Variants in ADAR observed in about 807,000 individuals in gnomAD.
ADAR encodes double-stranded RNA-specific adenosine deaminase.
In ADAR, 41 loss-of-function variants were observed where a neutral mutation model predicts 113.2. The ratio of observed to expected loss-of-function variants is 0.36; its 90% confidence interval spans 0.28 to 0.47. The LOEUF is 0.47. Ranked by LOEUF, ADAR falls within the 20% of genes least tolerant of loss-of-function variation. The probability of loss-of-function intolerance (pLI) is 1.00; values close to 1 mark genes in which losing one functional copy is unlikely to be tolerated. For missense variants in ADAR, 1,242 were observed against 1,540.9 expected, an observed-to-expected ratio of 0.81 and a Z score of 3.25; for synonymous variants, 605 against 572.6, an observed-to-expected ratio of 1.06 and a Z score of -0.81.
intron 13 of ADAR, 130 bp downstream of exon 13, chr1:154,585,623 G>A (rs1344017271): frequency 1.1e-6 from 1 of 938,398 alleles, no homozygotes; most frequent in Non-Finnish European, 1.7e-6. Flanking sequence ...GGCCACTGTG[G>A]GCAATGTTCC....
At chr1:154,606,063 G>T in intron 1 of ADAR, 1 of 538,406 alleles carries the variant, frequency 1.9e-6, no homozygotes, top group Non-Finnish European at 2.4e-6. Context: ...GGAGTGCAGT[G>T]GCATGATCTC....
At chr1:154,625,935 TAG>T (rs1436171111) in intron 1 of ADAR, among the ~76,000 whole-genome samples, 3 of 135,886 alleles carry the variant, frequency 2.2e-5, no homozygotes, top group South Asian at 4.6e-4. Flanking sequence ...ACCCGGGAGG[TAG>T]AGTTTGCAGT....
chr1:154,607,200 GA>G (rs1698249177), intron 1 of ADAR, among the ~76,000 whole-genome samples: 2 of 151,916 alleles, frequency 1.3e-5, no homozygotes, highest in Admixed American at 6.6e-5. Flanking sequence ...CATATAAATG[GA>G]CTCATACAGT....
At chr1:154,607,825 T>A (rs373303709) in intron 1 of ADAR, among the ~76,000 whole-genome samples, 167 bp downstream of exon 1, 22 of 132,940 alleles carry the variant, frequency 1.7e-4, no homozygotes, top group African/African-American at 6.1e-4. Context: ...ACACACACAC[T>A]CACAAGACGC....
At chr1:154,586,089 G>C in intron 12 of ADAR, 92 bp downstream of exon 12, 1 of 1,507,108 alleles carries the variant, frequency 6.6e-7, no homozygotes, top group Non-Finnish European at 9.2e-7. Context: ...ACTTTGATAA[G>C]GGAGACAAAA....
intron 1 of ADAR, 28 bp downstream of exon 1, chr1:154,607,964 G>A (rs751641505): frequency 6.2e-7 from 1 of 1,611,620 alleles, no homozygotes; most frequent in South Asian, 1.1e-5. Flanking sequence ...CCAGACGGCG[G>A]CGAAGGTCCA....
rs886045343 is a variant in ADAR at position 154,601,237 on chromosome 1, C to A, written c.1405G>T (p.Ala469Ser). The change falls in exon 2 of 15, where the codon GCA becomes TCA. Residue 469 changes from alanine (A) to serine (S), a missense_variant. Ala to Ser is a moderately conservative substitution (Grantham distance 99, BLOSUM62 1). Coordinates refer to ENST00000368474, the MANE Select transcript of ADAR (RefSeq NM_001111.5). This position sits in a 1 kb window ranked among gnomAD's most constrained non-coding sequence, Gnocchi z 4.7. ...IPDDLNSIRA[A>S]PGEFRAIMEM... ...ATGATGGCTCGAAACTCACCTGGTG[C>A]TGCGCGGATACTATTCAAGTCATCT... The A allele has an allele frequency of 1.9e-6, 3 of 1,614,238 alleles. No homozygotes were observed. The highest frequency in any genetic ancestry group is 2.5e-6 in the Non-Finnish European group (3 of 1,180,034).
In ADAR at chr1:154,608,077, A is replaced by G. The variant is rs886045346; in HGVS notation, c.-71T>C. ...CCTGGCCCGACCGCTGGGCCGCGCC[A>G]GCCCCTCGAGGCCCCCACGCCTCCG... On this transcript the variant is annotated 5_prime_UTR_variant, in exon 1 of 15. Coordinates refer to ENST00000368474, the MANE Select transcript of ADAR (RefSeq NM_001111.5). The G allele has an allele frequency of 2.7e-6, 4 of 1,493,814 alleles. No homozygotes were observed. The highest frequency in any genetic ancestry group is 3.6e-6 in the Non-Finnish European group (4 of 1,123,966). The allele number at this position is 1,493,814 out of a possible 1,614,324, so 92.5% of individuals were successfully genotyped here. A position where few individuals can be genotyped will look rare whatever the true frequency, so the allele number is the denominator to read the frequency against.
At chr1:154,602,874 A>G (rs1697979647) in intron 1 of ADAR, among the ~76,000 whole-genome samples, 1 of 152,224 alleles carries the variant, frequency 6.6e-6, no homozygotes, top group South Asian at 2.1e-4. Flanking sequence ...AGAGGTTCTG[A>G]GGCCTCAGCA....
At chr1:154,593,428 T>C (rs1457250665) in intron 6 of ADAR, among the ~76,000 whole-genome samples, 1 of 152,214 alleles carries the variant, frequency 6.6e-6, no homozygotes, top group African/African-American at 2.4e-5. Flanking sequence ...ATATGTCTGC[T>C]ACACACTCAG....
chr1:154,600,883 A>G (rs543064511), intron 2 of ADAR, 158 bp downstream of exon 2: 2 of 1,028,412 alleles, frequency 1.9e-6, no homozygotes, highest in Non-Finnish European at 3.0e-6. Flanking sequence ...CAATATCTGG[A>G]GAAAGGGCCA....
At chr1:154,588,074 G>T in intron 11 of ADAR, 51 bp downstream of exon 11, 1 of 1,610,466 alleles carries the variant, frequency 6.2e-7, no homozygotes. Flanking sequence ...TGGGGTCCCT[G>T]GACCTTGCAG....
chr1:154,600,608 G>T, intron 2 of ADAR: 1 of 236,102 alleles, frequency 4.2e-6, no homozygotes, highest in South Asian at 5.4e-5. Flanking sequence ...TGAGTAGCTG[G>T]GACTACAGGT....
chr1:154,615,040 A>G (rs1463285468), intron 1 of ADAR, among the ~76,000 whole-genome samples: 4 of 152,226 alleles, frequency 2.6e-5, no homozygotes, highest in Non-Finnish European at 4.4e-5. Flanking sequence ...ACGCAGCCGC[A>G]ACACAAGCGA....
chr1:154,603,953 G>A (rs1698038187), intron 1 of ADAR, among the ~76,000 whole-genome samples: 1 of 152,054 alleles, frequency 6.6e-6, no homozygotes, highest in Non-Finnish European at 1.5e-5. Context: ...TGGCTACAAG[G>A]ATCCTTAACC....
At chr1:154,604,578 C>T (rs1260979984) in intron 1 of ADAR, among the ~76,000 whole-genome samples, 2 of 152,166 alleles carry the variant, frequency 1.3e-5, no homozygotes, top group Admixed American at 1.3e-4. Context: ...ACAAACATGC[C>T]TTAGTTCACT....
chr1:154,624,492 C>A (rs1698881977), intron 1 of ADAR, among the ~76,000 whole-genome samples: 1 of 152,116 alleles, frequency 6.6e-6, no homozygotes, highest in African/African-American at 2.4e-5. Flanking sequence ...TTTGTATGTT[C>A]CTAATAGTTC....
Position 154,596,251 on chromosome 1 carries a change from G to C in ADAR, c.2270+554C>G, listed in dbSNP as rs545691462. ...GACTACTTTTTCAATCAGCTTGAAT[G>C]ATTTTTTTCAAGATGGAGTCTTGCT... On this transcript the variant is annotated intron_variant, in intron 6 of 14. Coordinates refer to ENST00000368474, the MANE Select transcript of ADAR (RefSeq NM_001111.5). Among the ~76,000 whole-genome samples the C allele has an allele frequency of 7.2e-5, 11 of 152,290 alleles. No homozygotes were observed. The South Asian group carries it at 2.1e-3, about 29-fold the overall frequency.
At chr1:154,600,000 C>T (rs1203835357) in intron 2 of ADAR, among the ~76,000 whole-genome samples, 1 of 152,068 alleles carries the variant, frequency 6.6e-6, no homozygotes, top group African/African-American at 2.4e-5. Context: ...AACCCACCCC[C>T]ACTGTGTATG....
Sources: allele counts gnomAD v4.1 joint callset (sites outside exome capture counted in the v4.1 genomes callset), GRCh38; gene constraint gnomAD v4.1.1; non-coding constraint Gnocchi (gnomAD v3.1); transcripts MANE v1.5; gene names NCBI Gene and HGNC (gene_info 2026-07-23, HGNC 2026-07-21).